PCDHGA7: variants seen among roughly 807,000 people sequenced by gnomAD.
PCDHGA7 encodes the protein protocadherin gamma subfamily A, 7.
A neutral mutation model predicts 58.3 loss-of-function variants in PCDHGA7; 44 were observed. That is an observed-to-expected ratio of 0.75 (90% confidence interval 0.59 to 0.97). PCDHGA7 has a LOEUF of 0.97. Ranked by LOEUF, PCDHGA7 falls within the 50% of genes least tolerant of loss-of-function variation. The pLI is 0.00. For missense variants in PCDHGA7, 1,266 were observed against 1,188.7 expected (o/e 1.06, Z -0.96); for synonymous variants, 516 against 504.2 (o/e 1.02, Z -0.31).
At position 141,477,830 on chromosome 5, in the gene PCDHGA7, C is replaced by T; in HGVS notation, c.2425-16977C>T. ...TGCCCCCCAGGTCCTATATCCTCGG[C>T]CAGGTGGGAGCTCGGTGGAGATGCT... is the stretch of plus-strand genomic sequence containing the variant. On this transcript the variant is annotated intron_variant, in intron 1 of 3. Transcript: ENST00000518325. The surrounding 1 kb of genome is among the most constrained non-coding windows in gnomAD (Gnocchi z 4.9). 1 of 1,614,170 alleles carries T rather than the reference C, an allele frequency of 6.2e-7. No individual in the cohort carries two copies. Among genetic ancestry groups the T allele is most frequent in the Non-Finnish European group, 8.5e-7 (1 of 1,180,038 alleles).
intron 1 of PCDHGA7, among the ~76,000 whole-genome samples, chr5:141,450,223 G>A (rs1458841129): frequency 2.0e-5 from 3 of 151,818 alleles, no homozygotes; most frequent in Non-Finnish European, 4.4e-5. Context: ...TCACTATGTT[G>A]GCCAGGCTAG....
intron 1 of PCDHGA7, chr5:141,408,823 T>G: frequency 4.3e-6 from 7 of 1,613,568 alleles, no homozygotes; most frequent in Non-Finnish European, 5.9e-6. Flanking sequence ...AACAGAGATC[T>G]CATAGCTTGA....
At chr5:141,428,163 C>T (rs759273230) in intron 1 of PCDHGA7, 77 of 1,564,636 alleles carry the variant, frequency 4.9e-5, no homozygotes, top group Non-Finnish European at 6.3e-5. Flanking sequence ...CTGCTGGTTG[C>T]TGTGCGTGAC....
At chr5:141,452,240 C>G (rs1365703172) in intron 1 of PCDHGA7, among the ~76,000 whole-genome samples, 1 of 152,084 alleles carries the variant, frequency 6.6e-6, no homozygotes, top group Non-Finnish European at 1.5e-5. Flanking sequence ...TTCTTGTGTC[C>G]TTTTGCCATA....
intron 1 of PCDHGA7, among the ~76,000 whole-genome samples, chr5:141,459,690 C>A (rs1338211972): frequency 6.6e-6 from 1 of 152,174 alleles, no homozygotes; most frequent in African/African-American, 2.4e-5. Context: ...ATAAAGCGTT[C>A]CGCTTGCTAC....
At chr5:141,405,422 GTT>G in intron 1 of PCDHGA7, 2 of 1,509,830 alleles carry the variant, frequency 1.3e-6, no homozygotes, top group Non-Finnish European at 1.8e-6. Context: ...TTTGTTTTTT[GTT>G]TTGTTTTGTT....
At chr5:141,395,053 A>G (rs1210765378) in intron 1 of PCDHGA7, 1 of 1,614,062 alleles carries the variant, frequency 6.2e-7, no homozygotes, top group African/African-American at 1.3e-5. Flanking sequence ...GAGGAGGTAC[A>G]GGCTTTCCTG....
intron 2 of PCDHGA7, among the ~76,000 whole-genome samples, chr5:141,501,703 G>A (rs183907124): frequency 6.6e-6 from 1 of 152,088 alleles, no homozygotes; most frequent in Non-Finnish European, 1.5e-5. Flanking sequence ...GTGATTCCGA[G>A]GATAAAAAAG....
At chr5:141,445,148 C>T (rs1051995635) in intron 1 of PCDHGA7, among the ~76,000 whole-genome samples, 3 of 152,092 alleles carry the variant, frequency 2.0e-5, no homozygotes, top group Non-Finnish European at 4.4e-5. Context: ...TCTAATTGTT[C>T]ATTTCTAGTT....
chr5:141,484,805 A>G (rs1594417928), intron 1 of PCDHGA7, among the ~76,000 whole-genome samples: 1 of 151,896 alleles, frequency 6.6e-6, no homozygotes, highest in East Asian at 1.9e-4. Context: ...CCGTGGAAAA[A>G]CATGCCGTTG....
At chr5:141,505,323 G>C in intron 2 of PCDHGA7, 70 bp from the exon 3 acceptor site, 1 of 1,606,758 alleles carries the variant, frequency 6.2e-7, no homozygotes, top group South Asian at 1.1e-5. Flanking sequence ...GGGAGCCCTG[G>C]GAGAGGACAG....
At chr5:141,417,784 G>T in intron 1 of PCDHGA7, 2 of 1,474,908 alleles carry the variant, frequency 1.4e-6, no homozygotes, top group Non-Finnish European at 9.0e-7. Context: ...GTCCTGGGCC[G>T]AATGCTCTTT....
At position 141,476,503 on chromosome 5, in the gene PCDHGA7, C is replaced by T. The variant is rs1259213742; in HGVS notation, c.2425-18304C>T. 2 of 1,614,138 alleles carry T rather than the reference C, an allele frequency of 1.2e-6. No individual in the cohort carries two copies. ...TGGAAGTGGTGATCCAGGACATCAA[C>T]GACAACAATCCTGCTTTCCCTACCC... On this transcript the variant is annotated intron_variant, in intron 1 of 3. Transcript: ENST00000518325. The surrounding 1 kb of genome is among the most constrained non-coding windows in gnomAD (Gnocchi z 7.6).
chr5:141,410,255 C>T (rs758117248), intron 1 of PCDHGA7: 26 of 1,614,030 alleles, frequency 1.6e-5, no homozygotes, highest in Non-Finnish European at 1.9e-5. Flanking sequence ...CTCTGACCCC[C>T]AGGCTGAACT....
chr5:141,485,431 C>G lies in PCDHGA7; in HGVS notation c.2425-9376C>G, dbSNP rs1594481071. ...ATTTGGACAGCGGAGCCCTGCTCAT[C>G]AAGAACCCAATCGACCGAGAGGCAC... On this transcript the variant is annotated intron_variant, in intron 1 of 3. Coordinates refer to ENST00000518325, the MANE Select transcript of PCDHGA7 (RefSeq NM_018920.4). The surrounding 1 kb of genome is among the most constrained non-coding windows in gnomAD (Gnocchi z 5.7). 8.7e-6 allele frequency: 14 copies of G among 1,614,198 alleles called. No homozygotes were observed. Among genetic ancestry groups the G allele is most frequent in the Non-Finnish European group, 1.1e-5 (13 of 1,180,038 alleles).
At chr5:141,400,747 G>GCTT (rs1302066014) in intron 1 of PCDHGA7, 9 of 602,662 alleles carry the variant, frequency 1.5e-5, no homozygotes, top group Admixed American at 6.5e-5. Context: ...TTTGCTCTTA[G>GCTT]CTTCCTCTCT....
At chr5:141,450,489 CTG>C (rs2098682348) in intron 1 of PCDHGA7, among the ~76,000 whole-genome samples, 1 of 150,280 alleles carries the variant, frequency 6.7e-6, no homozygotes, top group Admixed American at 6.6e-5. Context: ...GTTTGTTTGT[CTG>C]TTTGTTTGTT....
chr5:141,421,650 A>G, intron 1 of PCDHGA7: 1 of 1,613,868 alleles, frequency 6.2e-7, no homozygotes, highest in South Asian at 1.1e-5. Flanking sequence ...AAGTGGAGAT[A>G]AAAGTCAGTG....
intron 1 of PCDHGA7, chr5:141,391,690 A>AC (rs1231042361): frequency 6.6e-6 from 1 of 152,236 alleles, no homozygotes; most frequent in African/African-American, 2.4e-5. Flanking sequence ...TTCATCTGCT[A>AC]CGTTGCCCAG....
Sources: allele counts gnomAD v4.1 joint callset (sites outside exome capture counted in the v4.1 genomes callset), GRCh38; gene constraint gnomAD v4.1.1; non-coding constraint Gnocchi (gnomAD v3.1); transcripts MANE v1.5; gene names NCBI Gene and HGNC (gene_info 2026-07-23, HGNC 2026-07-21).